The following HLCS variants were observed in gnomAD, a reference collection of about 807,000 sequenced individuals.
HLCS encodes biotin--protein ligase.
Under a neutral mutation model 75.0 loss-of-function variants are expected in HLCS, and 53 were observed. The observed-to-expected ratio is 0.71, with a 90% confidence interval of 0.57 to 0.89. The LOEUF (loss-of-function observed/expected upper bound fraction) is 0.89. Ranked by LOEUF, HLCS falls within the 40% of genes least tolerant of loss-of-function variation. HLCS has a pLI of 0.00. For synonymous variants in HLCS, 431 were observed against 428.6 expected (o/e 1.01, Z -0.07); for missense variants, 966 against 1,074.0 (o/e 0.90, Z 1.41).
chr21:36,851,194 A>T (rs2062992341), intron 6 of HLCS, among the ~76,000 whole-genome samples: 3 of 152,216 alleles, frequency 2.0e-5, no homozygotes. Flanking sequence ...ACCCAAAAGA[A>T]TGGAAACCAG....
At position 36,750,939 on chromosome 21, in the gene HLCS, G is replaced by T. The variant is rs971914351; in HGVS notation, c.*3307C>A. ...CCTCCATTAAAAGGGTTTTTGCTTT[G>T]GAGTTTTGTTAACTTTCGTTCTTTG... On this transcript the variant is annotated 3_prime_UTR_variant, in exon 11 of 11. Transcript: ENST00000674895. The T allele has an allele frequency of 2.0e-5, 3 of 151,440 alleles. No homozygotes were observed. The highest frequency in any genetic ancestry group is 4.4e-5 in the Non-Finnish European group (3 of 67,888). The allele number at this position is 151,440 out of a possible 1,614,324, so 9.4% of individuals were successfully genotyped here.
At chr21:36,766,923 G>A (rs990452835) in intron 7 of HLCS, among the ~76,000 whole-genome samples, 33 of 152,188 alleles carry the variant, frequency 2.2e-4, no homozygotes, top group African/African-American at 7.7e-4. Flanking sequence ...GCACAGTGAC[G>A]ATCCCCAAAT....
chr21:36,803,775 A>G (rs993240782), intron 6 of HLCS, among the ~76,000 whole-genome samples: 3 of 149,310 alleles, frequency 2.0e-5, no homozygotes, highest in African/African-American at 7.4e-5. Context: ...AAAGCCTGCA[A>G]TACAGGAATG....
chr21:36,930,320 G>T lies in HLCS; in HGVS notation c.1551C>A (p.Thr517=), dbSNP rs138442090. Residue 517 remains threonine (T), a synonymous_variant, in exon 5 of 11, where the codon ACC becomes ACA. Transcript: ENST00000674895. ...GTTTCATGTCACAGCTGAGGCCAAGGGTTGTCAGAATCTCTCTAAGGACTT... is the reference window on the plus strand; with the variant it reads ...GTTTCATGTCACAGCTGAGGCCAAGTGTTGTCAGAATCTCTCTAAGGACTT... ...RYEVLREILT[T]LGLSCDMKQV... The T allele has an allele frequency of 2.4e-5, 38 of 1,613,944 alleles. No homozygotes were observed. Among genetic ancestry groups the T allele is most frequent in the Non-Finnish European group, 3.2e-5 (38 of 1,179,998 alleles).
At chr21:36,818,812 G>A (rs1373847600) in intron 6 of HLCS, among the ~76,000 whole-genome samples, 4 of 152,160 alleles carry the variant, frequency 2.6e-5, no homozygotes, top group Non-Finnish European at 5.9e-5. Flanking sequence ...AGTCGGGGCT[G>A]AGCATTTATA....
At chr21:36,883,872 A>G (rs567368017) in intron 6 of HLCS, among the ~76,000 whole-genome samples, 9 of 152,298 alleles carry the variant, frequency 5.9e-5, no homozygotes, top group African/African-American at 2.2e-4. Context: ...AGACACAAGA[A>G]TCCAGTGAAA....
At chr21:36,971,130 GAA>G (rs1429804371), upstream of HLCS, among the ~76,000 whole-genome samples, 4 of 152,080 alleles carry the variant, frequency 2.6e-5, no homozygotes, top group African/African-American at 9.7e-5. Flanking sequence ...AAAATAAAGA[GAA>G]AAGTAGACAA....
chr21:36,845,259 G>A (rs1448338993), intron 6 of HLCS, among the ~76,000 whole-genome samples: 1 of 152,106 alleles, frequency 6.6e-6, no homozygotes, highest in East Asian at 1.9e-4. Flanking sequence ...ATCAAAGCGG[G>A]TTCCATATTA....
intron 1 of HLCS, among the ~76,000 whole-genome samples, chr21:36,983,843 A>C (rs1191609015): frequency 6.6e-6 from 1 of 151,580 alleles, no homozygotes; most frequent in Non-Finnish European, 1.5e-5. Context: ...TCTCAAAAAA[A>C]AAAAAATTTT....
intron 6 of HLCS, among the ~76,000 whole-genome samples, chr21:36,833,107 A>G (rs1488036069): frequency 6.6e-6 from 1 of 151,774 alleles, no homozygotes; most frequent in Non-Finnish European, 1.5e-5. Context: ...AGCAGCCTTG[A>G]CTTCCCAGGC....
In HLCS at chr21:36,930,383, ATCT is replaced by A; in HGVS notation, c.1485_1487del (p.Glu495del). 2 of 1,614,204 alleles carry A rather than the reference ATCT, an allele frequency of 1.2e-6. No individual in the cohort carries two copies. Among genetic ancestry groups the A allele is most frequent in the Non-Finnish European group, 1.7e-6 (2 of 1,180,028 alleles). On this transcript the variant is annotated inframe_deletion, in exon 5 of 11. Coordinates refer to ENST00000674895, the MANE Select transcript of HLCS (RefSeq NM_001352514.2). Reference sequence around the variant, plus strand: ...AATTGCTTGACTTGAGCAAGTTAAAATCTTCTGGAGTTTGCACTATGTTGGAGC... The same window carrying A: ...AATTGCTTGACTTGAGCAAGTTAAAATCTGGAGTTTGCACTATGTTGGAGC...
Position 36,753,832 on chromosome 21 carries a change from C to A in HLCS, c.*414G>T. On this transcript the variant is annotated 3_prime_UTR_variant, in exon 11 of 11. Transcript: ENST00000674895. The surrounding 1 kb of genome is among the most constrained non-coding windows in gnomAD (Gnocchi z 4.3). ...ATGCTTACAAACAGTGATAGCATAC[C>A]TCTAACTCACCACTGGCCTGGGCGC... 1 of 308,082 alleles carries A rather than the reference C, an allele frequency of 3.2e-6. No individual in the cohort carries two copies. The highest frequency in any genetic ancestry group is 3.0e-5 in the South Asian group (1 of 32,974). The allele number at this position is 308,082 out of a possible 1,614,324, so 19.1% of individuals were successfully genotyped here.
At chr21:36,949,763 G>A (rs1272992274) in intron 2 of HLCS, among the ~76,000 whole-genome samples, 1 of 152,208 alleles carries the variant, frequency 6.6e-6, no homozygotes, top group African/African-American at 2.4e-5. Context: ...GATGTAGAGA[G>A]CAGAGAGCTC....
chr21:36,761,334 T>A (rs1875523065), intron 8 of HLCS, among the ~76,000 whole-genome samples: 1 of 152,230 alleles, frequency 6.6e-6, no homozygotes, highest in South Asian at 2.1e-4. Flanking sequence ...CCAACAGGCC[T>A]TCTTTTGACT....
At chr21:36,872,194 G>A (rs964867263) in intron 6 of HLCS, among the ~76,000 whole-genome samples, 17 of 152,108 alleles carry the variant, frequency 1.1e-4, no homozygotes, top group African/African-American at 1.4e-4. Context: ...AGGCTGAGGC[G>A]GGCGGATCAC....
chr21:36,966,436 C>T lies in HLCS; in HGVS notation c.195+8G>A. ...GGCCCGGGTCGCCCGCCCGCCCGAC[C>T]CGCCCACCTGGCTGTCGCTGACGCA... On this transcript the variant is annotated splice_region_variant and intron_variant, in intron 1 of 10. Transcript: ENST00000674895. 3 of 928,734 alleles carry T rather than the reference C, an allele frequency of 3.2e-6. No individual in the cohort carries two copies. Among genetic ancestry groups the T allele is most frequent in the Non-Finnish European group, 3.9e-6 (3 of 778,704 alleles). The allele number at this position is 928,734 out of a possible 1,614,324, so 57.5% of individuals were successfully genotyped here. A position where few individuals can be genotyped will look rare whatever the true frequency, so the allele number is the denominator to read the frequency against.
At chr21:36,861,060 AT>A (rs1410322026) in intron 6 of HLCS, among the ~76,000 whole-genome samples, 1 of 152,192 alleles carries the variant, frequency 6.6e-6, no homozygotes, top group African/African-American at 2.4e-5. Flanking sequence ...TTCAACAGAC[AT>A]TTATGGAATG....
intron 3 of HLCS, 116 bp from the exon 4 acceptor site, chr21:36,937,508 C>G (rs2066949952): frequency 1.0e-6 from 1 of 953,402 alleles, no homozygotes; most frequent in Non-Finnish European, 1.7e-6. Flanking sequence ...CATTCCAGGA[C>G]AGCCTCTGGC....
chr21:36,825,079 G>A (rs1265026927), intron 6 of HLCS, among the ~76,000 whole-genome samples: 2 of 152,132 alleles, frequency 1.3e-5, no homozygotes, highest in South Asian at 2.1e-4. Flanking sequence ...CTAATAGCAG[G>A]GAGACCACTA....
Sources: gnomAD v4.1 joint callset for allele counts (sites outside exome capture counted in the v4.1 genomes callset) on GRCh38, gnomAD v4.1.1 for gene constraint, Gnocchi (gnomAD v3.1) non-coding constraint, MANE v1.5 for transcripts, NCBI Gene and HGNC (gene_info 2026-07-23, HGNC 2026-07-21) for gene names.